TBX15: variants seen among roughly 807,000 people sequenced by gnomAD.
TBX15 encodes T-box transcription factor TBX15.
Under a neutral mutation model 53.9 loss-of-function variants are expected in TBX15, and 18 were observed. The ratio of observed to expected loss-of-function variants is 0.33; its 90% CI spans 0.23 to 0.49. TBX15 has a LOEUF of 0.49. TBX15 is among the 20% of genes least tolerant of loss of function. TBX15 has a pLI of 0.98. For missense variants in TBX15, 692 were observed against 749.5 expected, an observed-to-expected ratio of 0.92 and a Z score of 0.90; for synonymous variants, 295 against 278.0, an observed-to-expected ratio of 1.06 and a Z score of -0.61.
intron 1 of TBX15, among the ~76,000 whole-genome samples, chr1:118,961,060 G>A (rs1402909437): frequency 6.6e-6 from 1 of 152,130 alleles, no homozygotes; most frequent in Non-Finnish European, 1.5e-5. Context: ...GAGAGTGGTG[G>A]CCCCCAAGGA....
At chr1:118,942,739 C>T (rs1025576302) in intron 1 of TBX15, among the ~76,000 whole-genome samples, 1 of 152,110 alleles carries the variant, frequency 6.6e-6, no homozygotes, top group African/African-American at 2.4e-5. Context: ...CAGTCAAACA[C>T]CTAGAAAATA....
intron 7 of TBX15, among the ~76,000 whole-genome samples, chr1:118,898,488 T>C (rs1245385005): frequency 6.6e-6 from 1 of 152,040 alleles, no homozygotes; most frequent in Admixed American, 6.6e-5. Flanking sequence ...GGGGGGAAAG[T>C]CTACTTATTC....
At chr1:118,898,982 G>C (rs757475631) in intron 7 of TBX15, 46 bp downstream of exon 7, 13 of 1,588,824 alleles carry the variant, frequency 8.2e-6, no homozygotes, top group South Asian at 1.1e-5. Context: ...CTCCCACTCT[G>C]TCCCTGGCCC....
chr1:118,957,577 C>T (rs967579739), intron 1 of TBX15, among the ~76,000 whole-genome samples: 3 of 152,126 alleles, frequency 2.0e-5, no homozygotes, highest in South Asian at 2.1e-4. Context: ...CCCATTAACT[C>T]GTCATTTAAC....
intron 1 of TBX15, among the ~76,000 whole-genome samples, chr1:118,980,098 C>T (rs1571220694): frequency 6.6e-6 from 1 of 152,198 alleles, no homozygotes; most frequent in East Asian, 1.9e-4. Context: ...AATCCCAGTT[C>T]CTTCTGCGGC....
rs376525476 is a variant in TBX15, at chr1:118,987,912, A to G, written c.-117T>C. 14 of 1,299,176 alleles carry G rather than the reference A, an allele frequency of 1.1e-5. No homozygotes were observed. In the African/African-American group the frequency reaches 1.5e-4, roughly 14 times the overall value. The allele number at this position is 1,299,176 out of a possible 1,614,324, so 80.5% of individuals were successfully genotyped here. The stretch of plus-strand genomic sequence containing the variant: ...GGGAGAGGCGGAGGCGCGTCGGACG[A>G]GGCTGAGACTGCGGCTCGCGGGTCT... On this transcript the variant is annotated 5_prime_UTR_variant, in exon 1 of 8. Coordinates refer to ENST00000369429, the MANE Select transcript of TBX15 (RefSeq NM_001330677.2).
intron 1 of TBX15, among the ~76,000 whole-genome samples, chr1:118,972,853 G>A (rs539056897): frequency 3.9e-5 from 6 of 152,258 alleles, no homozygotes; most frequent in Admixed American, 6.5e-5. Flanking sequence ...ACCTGCCTCG[G>A]CCTCCCAAAG....
At chr1:118,927,699 G>A (rs930959967) in intron 2 of TBX15, among the ~76,000 whole-genome samples, 9 of 152,132 alleles carry the variant, frequency 5.9e-5, no homozygotes, top group South Asian at 2.1e-4. Flanking sequence ...AGCACTTTAC[G>A]ACTTCTCTCA....
At chr1:118,931,543 T>C in intron 2 of TBX15, 76 bp downstream of exon 2, 1 of 1,503,906 alleles carries the variant, frequency 6.6e-7, no homozygotes, top group African/African-American at 1.4e-5. Flanking sequence ...CACAAATAAA[T>C]AAGAATGGAA....
At chr1:118,933,744 A>G (rs1317542420) in intron 1 of TBX15, among the ~76,000 whole-genome samples, 1 of 152,172 alleles carries the variant, frequency 6.6e-6, no homozygotes, top group Non-Finnish European at 1.5e-5. Flanking sequence ...TGTGTCTGGG[A>G]TATTTTAAGA....
At chr1:118,945,980 T>C (rs1355222389) in intron 1 of TBX15, among the ~76,000 whole-genome samples, 1 of 152,218 alleles carries the variant, frequency 6.6e-6, no homozygotes, top group African/African-American at 2.4e-5. Flanking sequence ...CTACATATAA[T>C]CAACATTGAT....
intron 1 of TBX15, among the ~76,000 whole-genome samples, chr1:118,962,366 T>C (rs1213449072): frequency 2.0e-5 from 3 of 152,104 alleles, no homozygotes; most frequent in African/African-American, 4.8e-5. Flanking sequence ...CAATGCGTAA[T>C]GACAATTCAG....
rs58642847 is a variant in TBX15, at chr1:118,893,325, A to G, written c.1024+5703T>C. Among the ~76,000 whole-genome samples the G allele has an allele frequency of 2.5e-3, 262 of 105,554 alleles. 4 individuals are homozygous for G. Among genetic ancestry groups the G allele is most frequent in the African/African-American group, 9.9e-3 (221 of 22,312 alleles). The allele number at this position is 105,554 out of a possible 152,430, so 69.2% of individuals were successfully genotyped here. ...AGGAAGGAAGGAAGGAAAGAAAGAAAGAAGAAAGAAGGAAGGAAGGAAGGA... is the reference window on the plus strand; with the variant it reads ...AGGAAGGAAGGAAGGAAAGAAAGAAGGAAGAAAGAAGGAAGGAAGGAAGGA... On this transcript the variant is annotated intron_variant, in intron 7 of 7. Transcript: ENST00000369429.
chr1:118,939,043 T>TA (rs1393052321), intron 1 of TBX15, among the ~76,000 whole-genome samples: 1 of 151,952 alleles, frequency 6.6e-6, no homozygotes. Context: ...TATGCGACCA[T>TA]AAAAAAGAAT....
chr1:118,923,285 G>A, intron 5 of TBX15, 151 bp downstream of exon 5: 1 of 957,446 alleles, frequency 1.0e-6, no homozygotes, highest in East Asian at 2.7e-5. Context: ...TACAGCTGCT[G>A]AGAACTCTAA....
chr1:118,895,858 T>A (rs887300372), intron 7 of TBX15, among the ~76,000 whole-genome samples: 2 of 152,154 alleles, frequency 1.3e-5, no homozygotes, highest in Non-Finnish European at 2.9e-5. Flanking sequence ...AAAGCTGTAG[T>A]AAGAAAGAAT....
intron 1 of TBX15, among the ~76,000 whole-genome samples, chr1:118,960,150 G>A (rs1016167769): frequency 7.9e-5 from 12 of 152,078 alleles, no homozygotes; most frequent in Non-Finnish European, 1.8e-4. Flanking sequence ...TGAGTGAGGC[G>A]GGATGGGGGA....
intron 6 of TBX15, among the ~76,000 whole-genome samples, chr1:118,905,555 A>G (rs1654788746): frequency 6.6e-6 from 1 of 152,224 alleles, no homozygotes; most frequent in African/African-American, 2.4e-5. Context: ...CATCTGCCAG[A>G]ATCCAGCACA....
intron 3 of TBX15, among the ~76,000 whole-genome samples, chr1:118,925,233 C>A (rs912887779): frequency 6.6e-6 from 1 of 152,232 alleles, no homozygotes; most frequent in Non-Finnish European, 1.5e-5. Flanking sequence ...ACCATATAAT[C>A]CCTTGGCCAT....
Sources: allele counts gnomAD v4.1 joint callset (sites outside exome capture counted in the v4.1 genomes callset), GRCh38; gene constraint gnomAD v4.1.1; transcripts MANE v1.5; gene names NCBI Gene and HGNC (gene_info 2026-07-23, HGNC 2026-07-21).